Variants in TMEM131L observed in about 807,000 individuals in gnomAD.
The protein encoded by TMEM131L is transmembrane protein 131-like.
A neutral mutation model predicts 192.2 loss-of-function variants in TMEM131L; 54 were observed. That is an observed-to-expected ratio of 0.28 (90% CI 0.23 to 0.35). The LOEUF is 0.35. Ranked by LOEUF, TMEM131L falls within the 10% of genes least tolerant of loss-of-function variation. The probability of loss-of-function intolerance (pLI) is 1.00; values close to 1 mark genes in which losing one functional copy is unlikely to be tolerated. For missense variants in TMEM131L, 1,888 were observed against 1,972.9 expected, an observed-to-expected ratio of 0.96 and a Z score of 0.82; for synonymous variants, 701 against 704.9, an observed-to-expected ratio of 0.99 and a Z score of 0.09.
chr4:153,631,096 C>G (rs1473812739), intron 31 of TMEM131L, among the ~76,000 whole-genome samples: 1 of 152,246 alleles, frequency 6.6e-6, no homozygotes, highest in African/African-American at 2.4e-5. Context: ...ACTTTGGGTT[C>G]TGCCCACTGA....
intron 3 of TMEM131L, among the ~76,000 whole-genome samples, chr4:153,532,934 T>A (rs2150251034): frequency 1.3e-5 from 2 of 152,104 alleles, no homozygotes; most frequent in South Asian, 4.2e-4. Flanking sequence ...GAAGCAGGGG[T>A]ATTAGCTTCA....
intron 3 of TMEM131L, among the ~76,000 whole-genome samples, chr4:153,479,044 G>C (rs1165699784): frequency 6.6e-6 from 1 of 152,256 alleles, no homozygotes; most frequent in Non-Finnish European, 1.5e-5. Flanking sequence ...TAAAGGAAGC[G>C]CTGATGTCTA....
chr4:153,613,733 A>G (rs1054183679), intron 26 of TMEM131L, among the ~76,000 whole-genome samples: 1 of 152,142 alleles, frequency 6.6e-6, no homozygotes, highest in Non-Finnish European at 1.5e-5. Context: ...GTGTAGGCTC[A>G]TAGAAAAATA....
intron 7 of TMEM131L, among the ~76,000 whole-genome samples, chr4:153,562,851 G>T (rs189801744): frequency 6.6e-6 from 1 of 152,316 alleles, no homozygotes. Flanking sequence ...AAGAAATACT[G>T]TTGTTTTATG....
At chr4:153,576,365 T>G (rs1306603702) in intron 7 of TMEM131L, among the ~76,000 whole-genome samples, 3 of 152,192 alleles carry the variant, frequency 2.0e-5, no homozygotes, top group Non-Finnish European at 4.4e-5. Flanking sequence ...CTCCCCCTTG[T>G]GGGATTCTGA....
At chr4:153,633,063 T>C (rs1431980215) in intron 32 of TMEM131L, among the ~76,000 whole-genome samples, 1 of 152,156 alleles carries the variant, frequency 6.6e-6, no homozygotes, top group African/African-American at 2.4e-5. Flanking sequence ...AGTGTCGTTA[T>C]TTTTTAAAAA....
chr4:153,490,308 A>G (rs900129506), intron 3 of TMEM131L, among the ~76,000 whole-genome samples: 1 of 152,214 alleles, frequency 6.6e-6, no homozygotes, highest in African/African-American at 2.4e-5. Flanking sequence ...AATTGGTTAC[A>G]GTTGGTGTAA....
Position 153,622,832 on chromosome 4 carries a change from T to C in TMEM131L, c.3860-66T>C, listed in dbSNP as rs1733533799. On this transcript the variant is annotated intron_variant, in intron 28 of 34. Coordinates refer to ENST00000409959, the MANE Select transcript of TMEM131L (RefSeq NM_001131007.2). ...CCTACTCCTCCTGTCACCTCTCTCT[T>C]TCTGTTAGAAATGCATGAGGTTGAC... is the stretch of plus-strand genomic sequence containing the variant. 2.6e-6 allele frequency: 4 copies of C among 1,530,240 alleles called. No individual in the cohort carries two copies. The East Asian group carries it at 9.0e-5, about 34-fold the overall frequency. The allele number at this position is 1,530,240 out of a possible 1,614,324, so 94.8% of individuals were successfully genotyped here.
At chr4:153,629,965 C>CA (rs1458979430) in intron 31 of TMEM131L, among the ~76,000 whole-genome samples, 1 of 152,220 alleles carries the variant, frequency 6.6e-6, no homozygotes. Flanking sequence ...AGGAGACATT[C>CA]ACTCTATTGT....
rs1730504952 is a variant in TMEM131L at position 153,583,560 on chromosome 4, T to G, written c.952-4T>G. 1.9e-6 allele frequency: 3 copies of G among 1,595,646 alleles called. No individual in the cohort carries two copies. The highest frequency in any genetic ancestry group is 2.6e-6 in the Non-Finnish European group (3 of 1,164,070). ...AGTCACATGGGACTTTTCTTTTATT[T>G]CAGGATATACGCCATTTCTCACAGA... On this transcript the variant is annotated splice_region_variant and splice_polypyrimidine_tract_variant and intron_variant, in intron 10 of 34. Transcript: ENST00000409959.
chr4:153,510,451 G>A (rs1327375793), intron 3 of TMEM131L, among the ~76,000 whole-genome samples: 1 of 152,156 alleles, frequency 6.6e-6, no homozygotes, highest in Non-Finnish European at 1.5e-5. Flanking sequence ...TCTTTAAAGG[G>A]AAGACATACC....
intron 7 of TMEM131L, among the ~76,000 whole-genome samples, chr4:153,567,055 T>TTAACGTGGTGCTG (rs1729257811): frequency 6.6e-6 from 1 of 152,172 alleles, no homozygotes; most frequent in African/African-American, 2.4e-5. Flanking sequence ...ACTTGCCTTC[T>TTAACGTGGTGCTG]AAGGTGCTGA....
chr4:153,539,492 ATTTTTTTT>A (rs750436196), intron 3 of TMEM131L, among the ~76,000 whole-genome samples: 3 of 110,820 alleles, frequency 2.7e-5, no homozygotes, highest in African/African-American at 7.6e-5. Flanking sequence ...CAGAGGCTAG[ATTTTTTTT>A]TTTTTTTTTT....
chr4:153,605,547 T>C (rs1732169601), intron 25 of TMEM131L, among the ~76,000 whole-genome samples: 1 of 152,150 alleles, frequency 6.6e-6, no homozygotes, highest in Admixed American at 6.5e-5. Context: ...TTTGTACTGT[T>C]TTGTAGAGAT....
chr4:153,618,980 G>A (rs1238726673), intron 26 of TMEM131L, among the ~76,000 whole-genome samples: 3 of 152,082 alleles, frequency 2.0e-5, no homozygotes, highest in Non-Finnish European at 4.4e-5. Context: ...TATGTCTCAC[G>A]CCTCTGAATC....
Position 153,636,628 on chromosome 4 carries a change from C to T in TMEM131L, c.*52C>T. 4.6e-6 allele frequency: 7 copies of T among 1,526,872 alleles called. No individual in the cohort carries two copies. Among genetic ancestry groups the T allele is most frequent in the Non-Finnish European group, 6.3e-6 (7 of 1,115,200 alleles). 94.6% of individuals were successfully genotyped at this position (1,526,872 alleles called of 1,614,324 possible). A position where few individuals can be genotyped will look rare whatever the true frequency, so the allele number is the denominator to read the frequency against. ...AATAAAGAGGCTTGTGTTTTGATTACTAGTGTAAACTGGTTATTGAGATAG... is the reference window on the plus strand; with the variant it reads ...AATAAAGAGGCTTGTGTTTTGATTATTAGTGTAAACTGGTTATTGAGATAG... On this transcript the variant is annotated 3_prime_UTR_variant, in exon 35 of 35. Coordinates refer to ENST00000409959, the MANE Select transcript of TMEM131L (RefSeq NM_001131007.2).
chr4:153,552,643 C>G (rs191841801), intron 4 of TMEM131L, among the ~76,000 whole-genome samples: 2 of 152,282 alleles, frequency 1.3e-5, no homozygotes, highest in East Asian at 3.9e-4. Context: ...CCAGCCTGCG[C>G]AACACTGTGA....
chr4:153,466,421 G>A lies in TMEM131L; in HGVS notation c.24G>A (p.Gln8=), dbSNP rs909339036. The A allele has an allele frequency of 1.4e-6, 2 of 1,383,014 alleles. No homozygotes were observed. Among genetic ancestry groups the A allele is most frequent in the East Asian group, 3.1e-5 (1 of 32,762 alleles). 85.7% of individuals were successfully genotyped at this position (1,383,014 alleles called of 1,614,324 possible). A position where few individuals can be genotyped will look rare whatever the true frequency, so the allele number is the denominator to read the frequency against. The change falls in exon 1 of 35, where the codon CAG becomes CAA. Residue 8 remains glutamine, a synonymous_variant. Transcript: ENST00000409959. The part of the protein sequence containing the change: MAGLRRP[Q]PGCYCRTAAA... ...GCATGGCGGGGCTCCGACGCCCGCA[G>A]CCCGGCTGCTACTGCCGCACCGCGG...
intron 3 of TMEM131L, among the ~76,000 whole-genome samples, chr4:153,507,399 C>G (rs990639982): frequency 3.2e-4 from 49 of 152,154 alleles, no homozygotes; most frequent in Admixed American, 2.6e-3. Context: ...TCCACGTCCC[C>G]CATGCTTGCT....
Sources: gnomAD v4.1 joint callset for allele counts (sites outside exome capture counted in the v4.1 genomes callset) on GRCh38, gnomAD v4.1.1 for gene constraint, MANE v1.5 for transcripts, NCBI Gene and HGNC (gene_info 2026-07-23, HGNC 2026-07-21) for gene names.